The following NLRP4 variants were observed in gnomAD, a reference collection of about 807,000 sequenced individuals.
The protein encoded by NLRP4 is NACHT, LRR and PYD domains-containing protein 4.
Under a neutral mutation model 84.7 loss-of-function variants are expected in NLRP4, and 44 were observed. That is an observed-to-expected ratio of 0.52 (90% CI 0.41 to 0.67). The LOEUF (loss-of-function observed/expected upper bound fraction) is 0.67, where lower values mean the gene tolerates loss of function less well. NLRP4 is among the 30% of genes least tolerant of loss of function. The pLI, the probability that NLRP4 is intolerant of heterozygous loss-of-function variation, is 0.00. For missense variants in NLRP4, 1,260 were observed against 1,219.4 expected, an observed-to-expected ratio of 1.03 and a Z score of -0.50; for synonymous variants, 544 against 476.4, an observed-to-expected ratio of 1.14 and a Z score of -1.85.
chr19:55,859,240 A>G lies in NLRP4; in HGVS notation c.1847A>G (p.His616Arg), dbSNP rs1984617224. Residue 616 changes from histidine (H) to arginine (R), a missense_variant, in exon 3 of 10, where the codon CAC becomes CGC. His to Arg is a conservative substitution (Grantham distance 29). Around this residue, in one of 3 missense-constraint regions of NLRP4, gnomAD observed 544 missense variants for 531.7 expected, o/e 1.02. Transcript: ENST00000301295. ...VQNVFKKEDE[H>R]SSTSDYSLIC... ...AATGTCTTTAAGAAAGAGGATGAAC[A>G]CAGCTCTACGTGAGTCCATCCTATG... The G allele has an allele frequency of 6.2e-7, 1 of 1,602,068 alleles. No homozygotes were observed. The highest frequency in any genetic ancestry group is 2.2e-5 in the East Asian group (1 of 44,512).
At position 55,854,844 on chromosome 19, in the gene NLRP4, T is replaced by A. The variant is rs189954286; in HGVS notation, c.280+2484T>A. On this transcript the variant is annotated intron_variant, in intron 2 of 9. Transcript: ENST00000301295. ...TTCATGCGGTTCTCCTGCCTCAGCC[T>A]CCGGAGTAGCTGGGATTATAAGGCG... 2.8e-3 allele frequency among the ~76,000 whole-genome samples: 432 copies of A among 152,132 alleles called. 5 individuals are homozygous for A. The highest frequency in any genetic ancestry group is 1.0e-2 in the African/African-American group (415 of 41,510).
chr19:55,863,455 A>C (rs1047710848), intron 5 of NLRP4, among the ~76,000 whole-genome samples: 4 of 152,174 alleles, frequency 2.6e-5, no homozygotes, highest in Admixed American at 1.3e-4. Context: ...CACGTCTTAC[A>C]TGGGGGAGCA....
intron 7 of NLRP4, among the ~76,000 whole-genome samples, chr19:55,871,918 C>T (rs1001109679): frequency 1.3e-5 from 2 of 151,128 alleles, no homozygotes; most frequent in African/African-American, 2.4e-5. Flanking sequence ...GGCACAATCT[C>T]GGCTCACTGC....
At chr19:55,837,225 G>A (rs191787453) in intron 1 of NLRP4, among the ~76,000 whole-genome samples, 1 of 152,160 alleles carries the variant, frequency 6.6e-6, no homozygotes, top group Non-Finnish European at 1.5e-5. Flanking sequence ...TAGGTGGGAG[G>A]AGGGAGAGGG....
chr19:55,858,459 C>A lies in NLRP4; in HGVS notation c.1066C>A (p.Gln356Lys), dbSNP rs1241955474. Residue 356 changes from glutamine to lysine, a missense_variant, in exon 3 of 10, where the codon CAG (glutamine) becomes AAG (lysine). This residue lies in a region of NLRP4 where 712 missense variants were observed against 669.2 expected (regional missense o/e 1.06). Coordinates refer to ENST00000301295, the MANE Select transcript of NLRP4 (RefSeq NM_134444.5). The surrounding 1 kb of genome is among the most constrained non-coding windows in gnomAD (Gnocchi z 4.2). ...GTGTACCAGTCTGAAGCAAGAGATG[C>A]AGAAAGGAAAAGACCTGGCCCTGAC... Reference protein sequence around the residue: ...ILCTSLKQEMQKGKDLALTCQ... With the variant: ...ILCTSLKQEMKKGKDLALTCQ... 2 of 1,614,114 alleles carry A rather than the reference C, an allele frequency of 1.2e-6. No homozygotes were observed. The highest frequency in any genetic ancestry group is 3.3e-5 in the Admixed American group (2 of 60,022).
intron 1 of NLRP4, among the ~76,000 whole-genome samples, chr19:55,851,450 C>T (rs1984134238): frequency 2.9e-5 from 1 of 35,030 alleles, no homozygotes; most frequent in Non-Finnish European, 4.3e-5. Flanking sequence ...GTGTAATGTC[C>T]GTGGCTGCGG....
In NLRP4 at chr19:55,857,754, C is replaced by T. The variant is rs767957395; in HGVS notation, c.361C>T (p.Leu121=). Residue 121 remains leucine, a synonymous_variant, in exon 3 of 10, where the codon CTA becomes TTA. Transcript: ENST00000301295. The part of the protein sequence containing the change: ...WSSKSVTEIH[L]YFEEEVKQEE... Reference sequence around the variant, plus strand: ...CAGCAAGTCTGTCACTGAGATTCACCTATACTTTGAGGAGGAAGTCAAGCA... The same window carrying T: ...CAGCAAGTCTGTCACTGAGATTCACTTATACTTTGAGGAGGAAGTCAAGCA... 5.6e-6 allele frequency: 9 copies of T among 1,613,760 alleles called. No individual in the cohort carries two copies. In the Admixed American group the frequency reaches 1.3e-4, roughly 24 times the overall value.
rs116192909 is a variant in NLRP4 at position 55,871,743 on chromosome 19, G to A, written c.2525+746G>A. Among the ~76,000 whole-genome samples the A allele has an allele frequency of 1.6e-3, 236 of 152,060 alleles. 1 individual carries two copies. Among genetic ancestry groups the A allele is most frequent in the African/African-American group, 5.4e-3 (223 of 41,452 alleles). On this transcript the variant is annotated intron_variant, in intron 7 of 9. Transcript: ENST00000301295. ...TGCATTCTTTCTCTCCCAGTAGTGC[G>A]TTAGGCTATCTGGGCCAATCGTTGG...
At chr19:55,843,930 A>C (rs537992117) in intron 1 of NLRP4, among the ~76,000 whole-genome samples, 3 of 151,854 alleles carry the variant, frequency 2.0e-5, no homozygotes, top group South Asian at 2.1e-4. Context: ...TCATCTTTTT[A>C]TCTCTCTCTT....
chr19:55,872,325 C>G (rs1430476424), intron 7 of NLRP4, among the ~76,000 whole-genome samples: 1 of 152,160 alleles, frequency 6.6e-6, no homozygotes, highest in Non-Finnish European at 1.5e-5. Flanking sequence ...GATCCTTGAC[C>G]TCAGCTTATT....
chr19:55,847,462 G>A lies in NLRP4; in HGVS notation c.-65-4554G>A, dbSNP rs1028261465. ...AGGATTCCATAAATATTCATAAAAT[G>A]TGTTGATTTTTATATATCTAATATG... On this transcript the variant is annotated intron_variant, in intron 1 of 9. Coordinates refer to ENST00000301295, the MANE Select transcript of NLRP4 (RefSeq NM_134444.5). Among the ~76,000 whole-genome samples the A allele has an allele frequency of 2.5e-4, 38 of 152,106 alleles. 1 individual carries two copies. Among genetic ancestry groups the A allele is most frequent in the Admixed American group, 6.6e-5 (1 of 15,250 alleles).
At chr19:55,839,017 G>T (rs2122987810) in intron 1 of NLRP4, among the ~76,000 whole-genome samples, 1 of 149,666 alleles carries the variant, frequency 6.7e-6, no homozygotes, top group Non-Finnish European at 1.5e-5. Flanking sequence ...GTGCAGGTTT[G>T]TTACATAGGT....
At chr19:55,846,663 G>A (rs1229400566) in intron 1 of NLRP4, among the ~76,000 whole-genome samples, 5 of 152,046 alleles carry the variant, frequency 3.3e-5, no homozygotes, top group Non-Finnish European at 7.3e-5. Context: ...CCTACCCTCA[G>A]CATTTAGTGT....
In NLRP4 at chr19:55,876,978, AC is replaced by A; in HGVS notation, c.2526-15del. ...AGGTGTAATAGCCTTTAAGCATGGT[AC>A]CCTTACTCCTTTGCAGTTTGGTAAA... On this transcript the variant is annotated splice_polypyrimidine_tract_variant and intron_variant, in intron 7 of 9. Coordinates refer to ENST00000301295, the MANE Select transcript of NLRP4 (RefSeq NM_134444.5). 3 of 1,605,698 alleles carry A rather than the reference AC, an allele frequency of 1.9e-6. No individual in the cohort carries two copies. The highest frequency in any genetic ancestry group is 2.6e-6 in the Non-Finnish European group (3 of 1,173,672).
chr19:55,851,705 AATGTCCGAGG>A, intron 1 of NLRP4, among the ~76,000 whole-genome samples: 3 of 109,298 alleles, frequency 2.7e-5, no homozygotes, highest in South Asian at 2.8e-4. Flanking sequence ...GCTGCGGTGT[AATGTCCGAGG>A]CTGCGGTGTA....
intron 2 of NLRP4, 114 bp downstream of exon 2, chr19:55,852,474 AGGTTT>A: frequency 2.0e-6 from 1 of 499,128 alleles, no homozygotes; most frequent in Non-Finnish European, 3.4e-6. Flanking sequence ...GGAAAATATT[AGGTTT>A]TTTTTTTTTT....
intron 6 of NLRP4, among the ~76,000 whole-genome samples, chr19:55,869,066 A>C (rs1320823746): frequency 6.6e-6 from 1 of 152,180 alleles, no homozygotes; most frequent in African/African-American, 2.4e-5. Flanking sequence ...GATAAGGGAC[A>C]AACAGGTGAG....
At position 55,878,984 on chromosome 19, in the gene NLRP4, G is replaced by A. The variant is rs551021448; in HGVS notation, c.2867+20G>A. ...GCTCGGGTGAGCTGGGGTCTGTTGTGCTCTATGGGCAGAGTGCTCCGGGCT... is the reference window on the plus strand; with the variant it reads ...GCTCGGGTGAGCTGGGGTCTGTTGTACTCTATGGGCAGAGTGCTCCGGGCT... On this transcript the variant is annotated intron_variant, in intron 9 of 9. Coordinates refer to ENST00000301295, the MANE Select transcript of NLRP4 (RefSeq NM_134444.5). 3 of 1,596,334 alleles carry A rather than the reference G, an allele frequency of 1.9e-6. No homozygotes were observed. The highest frequency in any genetic ancestry group is 4.5e-5 in the East Asian group (2 of 44,578).
intron 8 of NLRP4, 145 bp from the exon 9 acceptor site, chr19:55,878,649 C>G: frequency 3.3e-6 from 2 of 605,308 alleles, no homozygotes; most frequent in Non-Finnish European, 2.8e-6. Context: ...CCCACAGACG[C>G]GTGATCTGAG....
Sources: gnomAD v4.1 joint callset for allele counts (sites outside exome capture counted in the v4.1 genomes callset) on GRCh38, gnomAD v4.1.1 for gene constraint, gnomAD v4.1.1 regional missense constraint, Gnocchi (gnomAD v3.1) non-coding constraint, MANE v1.5 for transcripts, NCBI Gene and HGNC (gene_info 2026-07-23, HGNC 2026-07-21) for gene names.